The following CFAP20DC variants were observed in gnomAD, a reference collection of about 807,000 sequenced individuals.
CFAP20DC encodes protein CFAP20DC.
Under a neutral mutation model 101.7 loss-of-function variants are expected in CFAP20DC, and 84 were observed. That is an observed-to-expected ratio of 0.83 (90% confidence interval 0.69 to 0.99). The LOEUF is 0.99. CFAP20DC is among the 50% of genes least tolerant of loss of function. CFAP20DC has a pLI of 0.00. For missense variants in CFAP20DC, 1,007 were observed against 970.3 expected, an observed-to-expected ratio of 1.04 and a Z score of -0.50; for synonymous variants, 359 against 351.2, an observed-to-expected ratio of 1.02 and a Z score of -0.25.
At chr3:58,812,521 C>G (rs2074739839) in intron 14 of CFAP20DC, among the ~76,000 whole-genome samples, 1 of 150,282 alleles carries the variant, frequency 6.7e-6, no homozygotes, top group African/African-American at 2.5e-5. Flanking sequence ...CACATGGACA[C>G]AGGAAGGGGA....
At chr3:59,019,613 T>G (rs2108969888) in intron 4 of CFAP20DC, among the ~76,000 whole-genome samples, 1 of 152,192 alleles carries the variant, frequency 6.6e-6, no homozygotes, top group Middle Eastern at 3.4e-3. Context: ...CCACTGGGAT[T>G]TGGGGATTAT....
intron 16 of CFAP20DC, among the ~76,000 whole-genome samples, chr3:58,746,378 G>A (rs754075540): frequency 3.3e-5 from 5 of 152,110 alleles, no homozygotes; most frequent in Admixed American, 3.3e-4. Flanking sequence ...AGAGTTATAT[G>A]CTATATAATT....
chr3:58,880,486 T>C (rs2081153058), intron 7 of CFAP20DC, among the ~76,000 whole-genome samples: 1 of 152,124 alleles, frequency 6.6e-6, no homozygotes, highest in African/African-American at 2.4e-5. Context: ...ATTTTTGTTA[T>C]TACAAGCAAT....
At chr3:58,895,434 G>A (rs901316068) in intron 6 of CFAP20DC, among the ~76,000 whole-genome samples, 23 of 152,142 alleles carry the variant, frequency 1.5e-4, no homozygotes, top group African/African-American at 5.3e-4. Context: ...AATGCCACCA[G>A]TCTCTTTGCT....
chr3:58,805,091 T>C (rs1164613044), intron 15 of CFAP20DC, among the ~76,000 whole-genome samples: 1 of 152,210 alleles, frequency 6.6e-6, no homozygotes, highest in Non-Finnish European at 1.5e-5. Flanking sequence ...TGGTTCATTG[T>C]TTATTGCTGA....
At chr3:58,828,601 T>C (rs1020893144) in intron 14 of CFAP20DC, among the ~76,000 whole-genome samples, 4 of 152,050 alleles carry the variant, frequency 2.6e-5, no homozygotes, top group Non-Finnish European at 5.9e-5. Flanking sequence ...AAACATCAGG[T>C]ACTCATGGAA....
At chr3:58,926,021 T>C (rs2085925053) in intron 5 of CFAP20DC, among the ~76,000 whole-genome samples, 2 of 152,184 alleles carry the variant, frequency 1.3e-5, no homozygotes, top group African/African-American at 4.8e-5. Flanking sequence ...TCCAGATTTC[T>C]TCAATACCCA....
intron 15 of CFAP20DC, among the ~76,000 whole-genome samples, chr3:58,804,229 C>T (rs2073900468): frequency 6.6e-6 from 1 of 152,118 alleles, no homozygotes; most frequent in South Asian, 2.1e-4. Flanking sequence ...AGGTCAGAGG[C>T]TTGTCTGAGA....
At chr3:58,955,404 G>C (rs1160908711) in intron 4 of CFAP20DC, among the ~76,000 whole-genome samples, 1 of 152,118 alleles carries the variant, frequency 6.6e-6, no homozygotes, top group Admixed American at 6.6e-5. Flanking sequence ...TGTGTGTCAG[G>C]TAGAGGAACA....
At chr3:58,872,017 G>C (rs2108540645) in intron 7 of CFAP20DC, among the ~76,000 whole-genome samples, 1 of 152,212 alleles carries the variant, frequency 6.6e-6, no homozygotes, top group South Asian at 2.1e-4. Flanking sequence ...GACATAAAAG[G>C]CTTCCCAAGG....
intron 15 of CFAP20DC, among the ~76,000 whole-genome samples, chr3:58,762,463 C>T (rs1013209943): frequency 2.0e-5 from 3 of 152,270 alleles, no homozygotes; most frequent in Admixed American, 2.0e-4. Flanking sequence ...CTGAATACAG[C>T]ACACTGATGG....
At chr3:58,951,538 A>G (rs1347812002) in intron 4 of CFAP20DC, among the ~76,000 whole-genome samples, 1 of 152,224 alleles carries the variant, frequency 6.6e-6, no homozygotes, top group Admixed American at 6.5e-5. Flanking sequence ...CTGGATTAAG[A>G]AAATGTGGCA....
chr3:58,869,589 G>T lies in CFAP20DC; in HGVS notation c.853-99C>A. On this transcript the variant is annotated intron_variant, in intron 8 of 16. Coordinates refer to ENST00000482387, the MANE Select transcript of CFAP20DC (RefSeq NM_001394063.1). This position sits in a 1 kb window ranked among gnomAD's most constrained non-coding sequence, Gnocchi z 4.3. ...CATAATATTTGGACCAATGAAGAGT[G>T]AGAAAAAAACTAGAGGAAATGAGGT... The T allele has an allele frequency of 2.1e-6, 2 of 936,128 alleles. No homozygotes were observed. Among genetic ancestry groups the T allele is most frequent in the Non-Finnish European group, 1.5e-6 (1 of 666,748 alleles). 58.0% of individuals were successfully genotyped at this position (936,128 alleles called of 1,614,324 possible).
At chr3:58,888,539 G>A (rs1445847458) in intron 6 of CFAP20DC, among the ~76,000 whole-genome samples, 2 of 152,146 alleles carry the variant, frequency 1.3e-5, no homozygotes, top group Admixed American at 1.3e-4. Flanking sequence ...CATCCATTAG[G>A]TATACTTCCT....
rs2079204173 is a variant in CFAP20DC at position 58,861,027 on chromosome 3, A to G, written c.1593+2531T>C. On this transcript the variant is annotated intron_variant, in intron 12 of 16. Coordinates refer to ENST00000482387, the MANE Select transcript of CFAP20DC (RefSeq NM_001394063.1). This position sits in a 1 kb window ranked among gnomAD's most constrained non-coding sequence, Gnocchi z 4.0. The stretch of plus-strand genomic sequence containing the variant: ...TATATGCAAAAAATTCATACTTTTG[A>G]GGCTCCAACACTAAGATCTCAGATG... Among the ~76,000 whole-genome samples the G allele has an allele frequency of 6.6e-6, 1 of 152,210 alleles. No homozygotes were observed. Among genetic ancestry groups the G allele is most frequent in the Admixed American group, 6.5e-5 (1 of 15,284 alleles).
chr3:59,029,874 C>A (rs1196507866), intron 4 of CFAP20DC, among the ~76,000 whole-genome samples: 1 of 152,128 alleles, frequency 6.6e-6, no homozygotes, highest in Non-Finnish European at 1.5e-5. Context: ...CCATGCCTAA[C>A]ACGATGCCTG....
At chr3:58,968,666 C>T (rs998140612) in intron 4 of CFAP20DC, among the ~76,000 whole-genome samples, 10 of 152,104 alleles carry the variant, frequency 6.6e-5, no homozygotes, top group African/African-American at 1.9e-4. Context: ...GTTGTCTGCT[C>T]ACCCTGCTGA....
At position 58,947,580 on chromosome 3, in the gene CFAP20DC, T is replaced by C. The variant is rs1232268437; in HGVS notation, c.279-9818A>G. 2.6e-5 allele frequency among the ~76,000 whole-genome samples: 4 copies of C among 152,342 alleles called. No homozygotes were observed. The East Asian group carries it at 5.8e-4, about 22-fold the overall frequency. On this transcript the variant is annotated intron_variant, in intron 4 of 16. Coordinates refer to ENST00000482387, the MANE Select transcript of CFAP20DC (RefSeq NM_001394063.1). ...TCTGCTTCATGTGTACTTCATGACTTATATCCTTGAGAATATTTATAAAAT... is the reference window on the plus strand; with the variant it reads ...TCTGCTTCATGTGTACTTCATGACTCATATCCTTGAGAATATTTATAAAAT...
At chr3:58,767,866 A>G (rs2070462081) in intron 15 of CFAP20DC, among the ~76,000 whole-genome samples, 1 of 152,230 alleles carries the variant, frequency 6.6e-6, no homozygotes, top group Non-Finnish European at 1.5e-5. Flanking sequence ...CTTGATTACC[A>G]TCAGAAACTG....
Sources: gnomAD v4.1 joint callset for allele counts (sites outside exome capture counted in the v4.1 genomes callset) on GRCh38, gnomAD v4.1.1 for gene constraint, Gnocchi (gnomAD v3.1) non-coding constraint, MANE v1.5 for transcripts, NCBI Gene and HGNC (gene_info 2026-07-23, HGNC 2026-07-21) for gene names.